CNBD1: variants seen among roughly 807,000 people sequenced by gnomAD.
CNBD1 encodes the protein cyclic nucleotide-binding domain-containing protein 1.
In CNBD1, 71 loss-of-function variants were observed where a neutral mutation model predicts 54.4. The observed-to-expected ratio is 1.30, with a 90% confidence interval of 1.08 to 1.59. The LOEUF (loss-of-function observed/expected upper bound fraction) is 1.59. CNBD1 is among the 40% of genes most tolerant of loss of function. The pLI is 0.00. For missense variants in CNBD1, 659 were observed against 518.0 expected (o/e 1.27, Z -2.64); for synonymous variants, 182 against 170.7 (o/e 1.07, Z -0.51).
At chr8:86,970,926 C>T (rs73271747) in intron 4 of CNBD1, among the ~76,000 whole-genome samples, 3,034 of 152,172 alleles carry the variant, frequency 0.02, 94 homozygotes, top group African/African-American at 0.067. Flanking sequence ...TTCAGTTATA[C>T]GTTTATCATT....
At chr8:86,995,783 C>G (rs1320923434) in intron 4 of CNBD1, among the ~76,000 whole-genome samples, 1 of 151,776 alleles carries the variant, frequency 6.6e-6, no homozygotes, top group Non-Finnish European at 1.5e-5. Context: ...GGCTGGCGTT[C>G]TGAAAAACAT....
At chr8:87,373,465 G>A (rs1024682551) in intron 10 of CNBD1, among the ~76,000 whole-genome samples, 1 of 151,808 alleles carries the variant, frequency 6.6e-6, no homozygotes, top group African/African-American at 2.4e-5. Context: ...CCAATAATTA[G>A]TTAAGTTTTA....
At chr8:86,916,718 T>A (rs1013208390) in intron 3 of CNBD1, among the ~76,000 whole-genome samples, 4 of 152,018 alleles carry the variant, frequency 2.6e-5, no homozygotes, top group African/African-American at 7.2e-5. Context: ...TTTATTTTTT[T>A]TTTGAAATAG....
At chr8:87,418,505 T>G (rs1807873109) in intron 2 of CNBD1, among the ~76,000 whole-genome samples, 1 of 151,894 alleles carries the variant, frequency 6.6e-6, no homozygotes, top group Admixed American at 6.6e-5. Context: ...AAAGACTAGA[T>G]AAACTGGACT....
At chr8:87,168,914 A>G (rs1221514693) in intron 4 of CNBD1, among the ~76,000 whole-genome samples, 1 of 152,052 alleles carries the variant, frequency 6.6e-6, no homozygotes, top group Non-Finnish European at 1.5e-5. Context: ...TCTCTTCAAT[A>G]TACTAATTTT....
At chr8:87,157,316 T>C (rs953099062) in intron 4 of CNBD1, among the ~76,000 whole-genome samples, 4 of 152,160 alleles carry the variant, frequency 2.6e-5, no homozygotes, top group African/African-American at 9.7e-5. Flanking sequence ...AAAAATGATA[T>C]TGTAACAATA....
intron 4 of CNBD1, among the ~76,000 whole-genome samples, chr8:87,065,521 T>C (rs964064482): frequency 6.6e-6 from 1 of 151,946 alleles, no homozygotes. Context: ...AGTTTGCCCT[T>C]ATTATGAGAA....
At chr8:87,272,472 C>G (rs903746739) in intron 6 of CNBD1, among the ~76,000 whole-genome samples, 4 of 151,824 alleles carry the variant, frequency 2.6e-5, no homozygotes, top group African/African-American at 9.7e-5. Context: ...CTTTATAAGA[C>G]TATATTAAAT....
intron 4 of CNBD1, among the ~76,000 whole-genome samples, chr8:87,098,585 G>A (rs1811362245): frequency 6.6e-6 from 1 of 152,108 alleles, no homozygotes; most frequent in Non-Finnish European, 1.5e-5. Flanking sequence ...GCAAGATTAT[G>A]TGGAAATCAG....
intron 5 of CNBD1, among the ~76,000 whole-genome samples, chr8:87,225,689 A>G (rs1308301139): frequency 4.6e-5 from 7 of 152,098 alleles, no homozygotes; most frequent in East Asian, 1.9e-4. Context: ...AAGGATATTG[A>G]TCTAAAATTC....
chr8:87,338,160 G>C (rs574056205), intron 8 of CNBD1, among the ~76,000 whole-genome samples: 3 of 152,140 alleles, frequency 2.0e-5, no homozygotes, highest in Non-Finnish European at 4.4e-5. Context: ...GAAAGTGTGA[G>C]TACCTTTAAG....
intron 4 of CNBD1, among the ~76,000 whole-genome samples, chr8:87,110,209 T>C (rs1197749282): frequency 6.6e-6 from 1 of 152,196 alleles, no homozygotes; most frequent in Non-Finnish European, 1.5e-5. Context: ...TCATTTCTGC[T>C]ACAAATGGCA....
chr8:87,056,862 C>T (rs935781254), intron 4 of CNBD1, among the ~76,000 whole-genome samples: 1 of 151,990 alleles, frequency 6.6e-6, no homozygotes, highest in Non-Finnish European at 1.5e-5. Flanking sequence ...AACAAGTTTG[C>T]ACAAATATTT....
At chr8:87,100,789 T>A (rs933416703) in intron 4 of CNBD1, among the ~76,000 whole-genome samples, 3 of 152,148 alleles carry the variant, frequency 2.0e-5, no homozygotes, top group Non-Finnish European at 4.4e-5. Flanking sequence ...AGCCAAATTT[T>A]AAAGCCTTAT....
intron 6 of CNBD1, among the ~76,000 whole-genome samples, chr8:87,281,690 C>T (rs1475995639): frequency 5.4e-5 from 8 of 148,484 alleles, no homozygotes; most frequent in East Asian, 2.0e-4. Flanking sequence ...TTAGGAGATG[C>T]GTTTCTGGGT....
intron 4 of CNBD1, among the ~76,000 whole-genome samples, chr8:87,158,471 C>T (rs1157878602): frequency 6.6e-6 from 1 of 152,178 alleles, no homozygotes; most frequent in Non-Finnish European, 1.5e-5. Flanking sequence ...ATCCAAGGAG[C>T]TTGTGCTAAA....
chr8:87,397,633 T>C (rs2130974606), intron 2 of CNBD1, among the ~76,000 whole-genome samples: 1 of 152,106 alleles, frequency 6.6e-6, no homozygotes, highest in South Asian at 2.1e-4. Flanking sequence ...TTCCTTTTAG[T>C]GCAACATAAA....
intron 4 of CNBD1, among the ~76,000 whole-genome samples, chr8:87,198,652 G>A (rs1813773846): frequency 6.6e-6 from 1 of 152,146 alleles, no homozygotes; most frequent in Non-Finnish European, 1.5e-5. Flanking sequence ...CCAATCAGCA[G>A]AAGTTTTTAT....
intron 4 of CNBD1, among the ~76,000 whole-genome samples, chr8:86,971,820 A>C (rs919133470): frequency 2.0e-5 from 3 of 152,192 alleles, no homozygotes; most frequent in Admixed American, 6.5e-5. Context: ...CTCAATGAAC[A>C]CATATTAATT....
Sources: gnomAD v4.1 joint callset for allele counts (sites outside exome capture counted in the v4.1 genomes callset) on GRCh38, gnomAD v4.1.1 for gene constraint, MANE v1.5 for transcripts, NCBI Gene and HGNC (gene_info 2026-07-23, HGNC 2026-07-21) for gene names.